The following MIPOL1 variants were observed in gnomAD, a reference collection of about 807,000 sequenced individuals.
The protein encoded by MIPOL1 is mirror-image polydactyly 1.
A neutral mutation model predicts 60.9 loss-of-function variants in MIPOL1; 57 were observed. That is an observed-to-expected ratio of 0.94 (90% CI 0.76 to 1.17). MIPOL1 has a LOEUF of 1.17. Among genes scored for constraint, MIPOL1 ranks in the 50% most tolerant of loss-of-function variants. The probability of loss-of-function intolerance (pLI) is 0.00; values close to 1 mark genes in which losing one functional copy is unlikely to be tolerated. For synonymous variants in MIPOL1, 179 were observed against 168.8 expected (o/e 1.06, Z -0.47); for missense variants, 551 against 511.6 (o/e 1.08, Z -0.74).
chr14:37,390,453 T>C (rs1595549336), intron 10 of MIPOL1, among the ~76,000 whole-genome samples: 1 of 151,858 alleles, frequency 6.6e-6, no homozygotes, highest in African/African-American at 2.4e-5. Context: ...CAAAGAGAAA[T>C]ACACGTTGTA....
chr14:37,379,757 G>C (rs1462345180), intron 10 of MIPOL1, among the ~76,000 whole-genome samples: 1 of 152,046 alleles, frequency 6.6e-6, no homozygotes, highest in Admixed American at 6.6e-5. Flanking sequence ...TTTAAAAGTA[G>C]AAAAATGTAA....
At chr14:37,432,457 A>G (rs1315713799) in intron 11 of MIPOL1, among the ~76,000 whole-genome samples, 1 of 152,106 alleles carries the variant, frequency 6.6e-6, no homozygotes, top group Non-Finnish European at 1.5e-5. Context: ...TGCATTGCAT[A>G]TAATAAGAAC....
intron 12 of MIPOL1, chr14:37,504,974 C>A (rs936595354): frequency 3.3e-5 from 5 of 152,114 alleles, no homozygotes; most frequent in African/African-American, 9.7e-5. Flanking sequence ...ACTATAAACA[C>A]CTCTACACAA....
At chr14:37,309,980 C>T (rs1015746296) in intron 9 of MIPOL1, among the ~76,000 whole-genome samples, 1 of 152,040 alleles carries the variant, frequency 6.6e-6, no homozygotes. Context: ...TGAGCCACCA[C>T]GCCTGGCCTC....
chr14:37,347,329 A>G (rs2091013458), intron 9 of MIPOL1, among the ~76,000 whole-genome samples: 2 of 152,188 alleles, frequency 1.3e-5, no homozygotes, highest in Non-Finnish European at 2.9e-5. Flanking sequence ...TACAAGAAGA[A>G]AGAAATGAAA....
intron 11 of MIPOL1, among the ~76,000 whole-genome samples, chr14:37,471,955 G>A (rs1373525862): frequency 1.3e-5 from 2 of 152,178 alleles, no homozygotes; most frequent in Admixed American, 6.5e-5. Context: ...CTCATTTATA[G>A]GAGGAAGGGA....
At chr14:37,480,092 T>C (rs2094839615) in intron 11 of MIPOL1, among the ~76,000 whole-genome samples, 1 of 151,970 alleles carries the variant, frequency 6.6e-6, no homozygotes, top group Non-Finnish European at 1.5e-5. Context: ...ACTTCACTGC[T>C]GAATTCAACC....
intron 1 of MIPOL1, among the ~76,000 whole-genome samples, chr14:37,199,392 T>G (rs1270578060): frequency 1.3e-5 from 2 of 152,232 alleles, no homozygotes; most frequent in Non-Finnish European, 2.9e-5. Flanking sequence ...ATTTTATTTG[T>G]GAGATTTATT....
intron 1 of MIPOL1, among the ~76,000 whole-genome samples, chr14:37,223,542 G>T (rs1006421516): frequency 1.3e-5 from 2 of 151,842 alleles, no homozygotes; most frequent in African/African-American, 4.8e-5. Flanking sequence ...CACTCTCATT[G>T]CCCAGGCTGG....
In MIPOL1 at chr14:37,437,576, T is replaced by C. The variant is rs758365256; in HGVS notation, c.1031+14627T>C. Among the ~76,000 whole-genome samples, 6 of 152,160 alleles carry C rather than the reference T, an allele frequency of 3.9e-5. No individual in the cohort carries two copies. The South Asian group carries it at 1.0e-3, about 26-fold the overall frequency. The stretch of plus-strand genomic sequence containing the variant: ...CTTCACCTTTTCACTTGTAAAACTT[T>C]TGTTTTCCATTCATTCTTTTGTATG... On this transcript the variant is annotated intron_variant, in intron 11 of 12. Coordinates refer to ENST00000684589, the MANE Select transcript of MIPOL1 (RefSeq NM_001388067.1).
At chr14:37,201,119 G>C (rs1201916236) in intron 1 of MIPOL1, among the ~76,000 whole-genome samples, 1 of 151,692 alleles carries the variant, frequency 6.6e-6, no homozygotes, top group African/African-American at 2.4e-5. Flanking sequence ...TGCCCAGGCT[G>C]GTTTTAAACT....
At chr14:37,513,038 T>C (rs368548304) in intron 12 of MIPOL1, among the ~76,000 whole-genome samples, 1 of 152,256 alleles carries the variant, frequency 6.6e-6, no homozygotes, top group East Asian at 1.9e-4. Context: ...CTAAATCTAA[T>C]TAGAGATAGC....
intron 11 of MIPOL1, among the ~76,000 whole-genome samples, chr14:37,451,646 A>G (rs1566628687): frequency 6.6e-6 from 1 of 152,074 alleles, no homozygotes; most frequent in Admixed American, 6.5e-5. Flanking sequence ...TATGATAGAA[A>G]AAGCATTGAC....
chr14:37,400,552 A>G (rs2093462497), intron 10 of MIPOL1: 1 of 152,312 alleles, frequency 6.6e-6, no homozygotes, highest in Middle Eastern at 3.4e-3. Flanking sequence ...TAAATTCCCT[A>G]TGGAGTCAAT....
At chr14:37,346,795 A>G (rs1384079428) in intron 9 of MIPOL1, among the ~76,000 whole-genome samples, 1 of 152,196 alleles carries the variant, frequency 6.6e-6, no homozygotes, top group Non-Finnish European at 1.5e-5. Flanking sequence ...CAGACCATAG[A>G]AAGAATACCT....
At chr14:37,539,693 A>C (rs973282902) in intron 12 of MIPOL1, among the ~76,000 whole-genome samples, 1 of 152,200 alleles carries the variant, frequency 6.6e-6, no homozygotes, top group Admixed American at 6.5e-5. Context: ...ACAACACCTC[A>C]TAAAGGAAAT....
chr14:37,536,216 A>G (rs888259185), intron 12 of MIPOL1, among the ~76,000 whole-genome samples: 1 of 152,174 alleles, frequency 6.6e-6, no homozygotes, highest in African/African-American at 2.4e-5. Flanking sequence ...TGTATCTCCA[A>G]AGTTTTTCTT....
chr14:37,527,914 C>T lies in MIPOL1; in HGVS notation c.1263-18991C>T, dbSNP rs142588685. On this transcript the variant is annotated intron_variant, in intron 12 of 12. Coordinates refer to ENST00000684589, the MANE Select transcript of MIPOL1 (RefSeq NM_001388067.1). ...TTTGAGCTTAATTCTCTGTCAGGCTCATAAGATCCTAAAACCCTTGGAGAG... is the reference window on the plus strand; with the variant it reads ...TTTGAGCTTAATTCTCTGTCAGGCTTATAAGATCCTAAAACCCTTGGAGAG... Among the ~76,000 whole-genome samples the T allele has an allele frequency of 8.1e-3, 1,223 of 151,772 alleles. 17 individuals carry two copies. The highest frequency in any genetic ancestry group is 0.028 in the African/African-American group (1,158 of 41,396).
chr14:37,215,461 C>T (rs1403803990), intron 1 of MIPOL1, among the ~76,000 whole-genome samples: 6 of 151,794 alleles, frequency 4.0e-5, no homozygotes, highest in Non-Finnish European at 8.8e-5. Flanking sequence ...CTCATGGTAA[C>T]CTCAAACCCA....
Sources: gnomAD v4.1 joint callset for allele counts (sites outside exome capture counted in the v4.1 genomes callset) on GRCh38, gnomAD v4.1.1 for gene constraint, MANE v1.5 for transcripts, NCBI Gene and HGNC (gene_info 2026-07-23, HGNC 2026-07-21) for gene names.